The following FRMD4B variants were observed in gnomAD, a reference collection of about 807,000 sequenced individuals.
FRMD4B encodes FERM domain-containing protein 4B.
FRMD4B carries 74 observed loss-of-function variants against 141.5 expected under a neutral mutation model. The ratio of observed to expected loss-of-function variants is 0.52; its 90% CI spans 0.43 to 0.63. The LOEUF (loss-of-function observed/expected upper bound fraction) is 0.63, where lower values mean the gene tolerates loss of function less well. Among genes scored for constraint, FRMD4B ranks in the 30% least tolerant of loss-of-function variants. The probability of loss-of-function intolerance (pLI) is 0.00; values close to 1 mark genes in which losing one functional copy is unlikely to be tolerated. For synonymous variants in FRMD4B, 506 were observed against 467.9 expected, an observed-to-expected ratio of 1.08 and a Z score of -1.05; for missense variants, 1,366 against 1,253.4, an observed-to-expected ratio of 1.09 and a Z score of -1.36.
chr3:69,311,720 T>A (rs1701595779), intron 2 of FRMD4B, among the ~76,000 whole-genome samples: 1 of 152,192 alleles, frequency 6.6e-6, no homozygotes, highest in Non-Finnish European at 1.5e-5. Flanking sequence ...GCTGCTTGGT[T>A]ATCTGTGATA....
chr3:69,394,129 G>A (rs1016285283), intron 2 of FRMD4B, among the ~76,000 whole-genome samples: 2 of 152,194 alleles, frequency 1.3e-5, no homozygotes, highest in African/African-American at 4.8e-5. Flanking sequence ...AGCTCTAGAG[G>A]CTGGGAAGTA....
At chr3:69,385,168 C>T (rs1052777721) in intron 1 of FRMD4B, among the ~76,000 whole-genome samples, 10 of 151,862 alleles carry the variant, frequency 6.6e-5, no homozygotes, top group Admixed American at 5.9e-4. Flanking sequence ...AGGATGGGAC[C>T]GAGCAGAGAA....
At chr3:69,461,623 C>CAA (rs58143332) in intron 1 of FRMD4B, among the ~76,000 whole-genome samples, 1,714 of 43,320 alleles carry the variant, frequency 0.04, 418 homozygotes, top group African/African-American at 0.12. Context: ...GACTCTGTCT[C>CAA]AAAAAAAAAA....
intron 1 of FRMD4B, among the ~76,000 whole-genome samples, chr3:69,343,512 C>G (rs976287740): frequency 6.6e-5 from 10 of 151,412 alleles, no homozygotes; most frequent in African/African-American, 2.2e-4. Flanking sequence ...AATTTAATCT[C>G]TTGACCTAAA....
intron 1 of FRMD4B, among the ~76,000 whole-genome samples, chr3:69,370,571 C>T (rs1292635833): frequency 1.3e-5 from 2 of 152,334 alleles, no homozygotes; most frequent in African/African-American, 2.4e-5. Flanking sequence ...CTTACACTGG[C>T]GTGGGCTATT....
chr3:69,351,290 G>A (rs1330187317), intron 1 of FRMD4B, among the ~76,000 whole-genome samples: 2 of 152,118 alleles, frequency 1.3e-5, no homozygotes, highest in African/African-American at 2.4e-5. Flanking sequence ...CAAGAAAAAA[G>A]TCTTAATTGG....
chr3:69,276,724 G>T (rs1275008458), intron 5 of FRMD4B, among the ~76,000 whole-genome samples: 1 of 152,182 alleles, frequency 6.6e-6, no homozygotes, highest in Non-Finnish European at 1.5e-5. Flanking sequence ...CAACAATTTG[G>T]GGGGCTGAGG....
intron 3 of FRMD4B, chr3:69,310,597 G>C (rs573967572): frequency 0.038 from 8,014 of 208,362 alleles, 535 homozygotes; most frequent in African/African-American, 0.24. Flanking sequence ...GAGAGAGAGA[G>C]AGAGAGAGAG....
chr3:69,213,984 A>G (rs1559722940), intron 11 of FRMD4B, among the ~76,000 whole-genome samples: 1 of 152,018 alleles, frequency 6.6e-6, no homozygotes, highest in Non-Finnish European at 1.5e-5. Context: ...GGCCTTATCA[A>G]TAATTTCTAG....
intron 11 of FRMD4B, among the ~76,000 whole-genome samples, chr3:69,214,705 T>A (rs1037507470): frequency 1.1e-4 from 17 of 151,838 alleles, no homozygotes; most frequent in Admixed American, 6.6e-4. Flanking sequence ...CAAAAAACTT[T>A]CTAAAAATGA....
chr3:69,191,038 G>A (rs968583933), intron 17 of FRMD4B, among the ~76,000 whole-genome samples: 1 of 152,194 alleles, frequency 6.6e-6, no homozygotes, highest in Non-Finnish European at 1.5e-5. Context: ...CTCAGTAAAT[G>A]TTAGCTAGAC....
intron 1 of FRMD4B, among the ~76,000 whole-genome samples, chr3:69,321,337 G>A (rs886483256): frequency 6.6e-6 from 1 of 152,210 alleles, no homozygotes; most frequent in African/African-American, 2.4e-5. Flanking sequence ...AATTGGTAAG[G>A]AAGCAGCAAG....
At chr3:69,266,400 A>G (rs983819035) in intron 5 of FRMD4B, among the ~76,000 whole-genome samples, 5 of 152,146 alleles carry the variant, frequency 3.3e-5, no homozygotes, top group African/African-American at 1.2e-4. Context: ...ATCTTGGCTC[A>G]CTGCAACCTC....
intron 18 of FRMD4B, among the ~76,000 whole-genome samples, chr3:69,188,614 G>A (rs373566075): frequency 0.023 from 3,500 of 151,658 alleles, 149 homozygotes; most frequent in African/African-American, 0.08. Context: ...AAAATTAGCC[G>A]GGCGCGGTGG....
chr3:69,490,924 C>T (rs62252323), intron 1 of FRMD4B, among the ~76,000 whole-genome samples: 50,326 of 152,022 alleles, frequency 0.33, 8,821 homozygotes, highest in Non-Finnish European at 0.4. Context: ...CCTCATTCAT[C>T]CCCACCTCCT....
intron 1 of FRMD4B, among the ~76,000 whole-genome samples, chr3:69,352,743 A>G (rs1288119602): frequency 6.6e-6 from 1 of 152,232 alleles, no homozygotes; most frequent in Non-Finnish European, 1.5e-5. Context: ...GCCGTCCCCA[A>G]AAATGGCATT....
chr3:69,291,978 C>A (rs1333085722), intron 4 of FRMD4B, among the ~76,000 whole-genome samples: 1 of 147,542 alleles, frequency 6.8e-6, no homozygotes, highest in African/African-American at 2.5e-5. Context: ...AATTATGAGC[C>A]CATTTTACAG....
At chr3:69,278,354 G>A (rs2093628206) in intron 5 of FRMD4B, among the ~76,000 whole-genome samples, 1 of 152,058 alleles carries the variant, frequency 6.6e-6, no homozygotes, top group Non-Finnish European at 1.5e-5. Context: ...GTGGGAGTGC[G>A]GTGGCATGAT....
At chr3:69,306,476 A>AAAGTGAAATGGGTGAAGAG (rs1223379694) in intron 3 of FRMD4B, 5 of 152,202 alleles carry the variant, frequency 3.3e-5, no homozygotes, top group African/African-American at 7.2e-5. Flanking sequence ...GGCAAAACAA[A>AAAGTGAAATGGGTGAAGAG]AAGTGAAATG....
Sources: allele counts gnomAD v4.1 joint callset (sites outside exome capture counted in the v4.1 genomes callset), GRCh38; gene constraint gnomAD v4.1.1; transcripts MANE v1.5; gene names NCBI Gene and HGNC (gene_info 2026-07-23, HGNC 2026-07-21).